The following UCHL5 variants were observed in gnomAD, a reference collection of about 807,000 sequenced individuals.
The protein encoded by UCHL5 is ubiquitin C-terminal hydrolase L5, also known as ubiquitin carboxyl-terminal hydrolase isozyme L5.
In UCHL5, 34 loss-of-function variants were observed where a neutral mutation model predicts 53.8. That is an observed-to-expected ratio of 0.63 (90% CI 0.48 to 0.84). The LOEUF is 0.84. UCHL5 is among the 40% of genes least tolerant of loss of function. UCHL5 has a pLI of 0.00. For missense variants in UCHL5, 290 were observed against 385.6 expected (o/e 0.75, Z 2.08); for synonymous variants, 111 against 126.3 (o/e 0.88, Z 0.81).
intron 3 of UCHL5, among the ~76,000 whole-genome samples, chr1:193,034,733 G>A (rs9427836): frequency 0.019 from 2,922 of 152,052 alleles, 92 homozygotes; most frequent in African/African-American, 0.066. Context: ...TGCATAAAAA[G>A]AGAATACACC....
chr1:193,045,934 A>C (rs1431186311), intron 3 of UCHL5, among the ~76,000 whole-genome samples: 1 of 152,346 alleles, frequency 6.6e-6, no homozygotes, highest in South Asian at 2.1e-4. Context: ...TCTACTACGT[A>C]GATCTTAAAA....
At chr1:193,045,932 G>C (rs1555555) in intron 3 of UCHL5, among the ~76,000 whole-genome samples, 114,257 of 152,128 alleles carry the variant, frequency 0.75, 43,145 homozygotes, top group Middle Eastern at 0.78. Context: ...TCTCTACTAC[G>C]TAGATCTTAA....
At position 193,021,213 on chromosome 1, in the gene UCHL5, A is replaced by G; in HGVS notation, c.844-18T>C. ...TTCTCAATCTGAAAATAAAACATCA[A>G]TCCACACTAACTACATTTCTGCTAA... is the stretch of plus-strand genomic sequence containing the variant. On this transcript the variant is annotated intron_variant, in intron 9 of 10. Coordinates refer to ENST00000367454, the MANE Select transcript of UCHL5 (RefSeq NM_001199261.3). The G allele has an allele frequency of 6.8e-7, 1 of 1,473,956 alleles. No individual in the cohort carries two copies. The highest frequency in any genetic ancestry group is 1.1e-5 in the South Asian group (1 of 87,876). The allele number at this position is 1,473,956 out of a possible 1,614,324, so 91.3% of individuals were successfully genotyped here.
intron 3 of UCHL5, among the ~76,000 whole-genome samples, chr1:193,048,644 G>C (rs1325563247): frequency 6.6e-6 from 1 of 152,164 alleles, no homozygotes; most frequent in Non-Finnish European, 1.5e-5. Flanking sequence ...GTGTGAGACA[G>C]AACTTTTTTT....
intron 1 of UCHL5, among the ~76,000 whole-genome samples, chr1:193,058,697 G>C (rs1022867487): frequency 1.1e-4 from 16 of 152,352 alleles, no homozygotes; most frequent in African/African-American, 3.8e-4. Context: ...AAGGCGTTCT[G>C]CTTTGAATAA....
At chr1:193,046,747 A>G (rs1276801754) in intron 3 of UCHL5, among the ~76,000 whole-genome samples, 2 of 149,244 alleles carry the variant, frequency 1.3e-5, no homozygotes, top group East Asian at 3.9e-4. Context: ...CATTTTAAAT[A>G]TATAAAAGTA....
intron 3 of UCHL5, among the ~76,000 whole-genome samples, chr1:193,030,423 C>T (rs1260392952): frequency 6.6e-6 from 1 of 152,166 alleles, no homozygotes; most frequent in East Asian, 1.9e-4. Context: ...TGATCTTGTT[C>T]TAGAATTTGT....
Position 193,059,305 on chromosome 1 carries a change from GC to G in UCHL5, c.-46del, listed in dbSNP as rs747246674. ...CCCGATCCACCTCTCGCTCTCAGCT[GC>G]CCCCCGCACCAGCTGCCGCCGGCCA... is the stretch of plus-strand genomic sequence containing the variant. On this transcript the variant is annotated 5_prime_UTR_variant, in exon 1 of 11. Coordinates refer to ENST00000367454, the MANE Select transcript of UCHL5 (RefSeq NM_001199261.3). The surrounding 1 kb of genome is among the most constrained non-coding windows in gnomAD (Gnocchi z 4.9). The G allele has an allele frequency of 4.3e-6, 7 of 1,609,900 alleles. No individual in the cohort carries two copies. The African/African-American group carries it at 5.3e-5, about 12-fold the overall frequency.
At chr1:193,041,300 T>C (rs1421911926) in intron 3 of UCHL5, among the ~76,000 whole-genome samples, 1 of 152,086 alleles carries the variant, frequency 6.6e-6, no homozygotes, top group African/African-American at 2.4e-5. Flanking sequence ...AAAAAAAGCA[T>C]AATTAACCCC....
At chr1:193,046,748 T>C (rs1667462494) in intron 3 of UCHL5, among the ~76,000 whole-genome samples, 1 of 149,152 alleles carries the variant, frequency 6.7e-6, no homozygotes, top group Non-Finnish European at 1.5e-5. Flanking sequence ...ATTTTAAATA[T>C]ATAAAAGTAC....
At chr1:193,024,531 A>G (rs1387407999) in intron 7 of UCHL5, among the ~76,000 whole-genome samples, 2 of 149,698 alleles carry the variant, frequency 1.3e-5, no homozygotes, top group Non-Finnish European at 3.0e-5. Flanking sequence ...ATTTTTTCCA[A>G]GTCATGATGA....
At position 193,016,390 on chromosome 1, in the gene UCHL5, T is replaced by C. The variant is rs769026737; in HGVS notation, c.948A>G (p.Lys316=). ...QQLIPLVEKA[K]EKQNAKKAQE... ...GAGCTTTCTTTGCGTTCTGTTTTTC[T>C]TTTGCCTAAAAATTAAAAATAGTAT... is the stretch of plus-strand genomic sequence containing the variant. Residue 316 remains lysine, a synonymous_variant, in exon 11 of 11, where the codon AAA becomes AAG. Coordinates refer to ENST00000367454, the MANE Select transcript of UCHL5 (RefSeq NM_001199261.3). The C allele has an allele frequency of 1.2e-6, 2 of 1,606,546 alleles. No homozygotes were observed. The highest frequency in any genetic ancestry group is 1.1e-5 in the South Asian group (1 of 89,754).
chr1:193,018,632 T>G, intron 10 of UCHL5: 1 of 1,254,854 alleles, frequency 8.0e-7, no homozygotes, highest in East Asian at 3.1e-5. Context: ...TTATTTATTA[T>G]TTTGCAAATA....
At chr1:193,053,351 C>T (rs74130912) in intron 1 of UCHL5, among the ~76,000 whole-genome samples, 3,304 of 152,214 alleles carry the variant, frequency 0.022, 119 homozygotes, top group African/African-American at 0.076. Context: ...AGAAAAAGTA[C>T]GCTGAATAAA....
chr1:193,028,764 TTTC>T (rs1479225514), intron 6 of UCHL5, among the ~76,000 whole-genome samples: 1 of 152,130 alleles, frequency 6.6e-6, no homozygotes, highest in Non-Finnish European at 1.5e-5. Context: ...AGAAAAATAT[TTTC>T]TTGATTGCAA....
At chr1:193,038,901 CAGG>C (rs766937008) in intron 3 of UCHL5, among the ~76,000 whole-genome samples, 10 of 152,072 alleles carry the variant, frequency 6.6e-5, no homozygotes, top group African/African-American at 9.7e-5. Flanking sequence ...GAGGCTGAGG[CAGG>C]AGGATTGCTT....
chr1:193,016,904 T>A (rs1655069711), intron 10 of UCHL5, among the ~76,000 whole-genome samples: 2 of 151,828 alleles, frequency 1.3e-5, no homozygotes, highest in Admixed American at 6.6e-5. Flanking sequence ...TGTTTTTACA[T>A]ACTAGTTCAA....
At chr1:193,018,656 T>C in intron 10 of UCHL5, 1 of 1,262,920 alleles carries the variant, frequency 7.9e-7, no homozygotes, top group Non-Finnish European at 1.0e-6. Context: ...AGATTTTAGG[T>C]CAAATACTTT....
rs1485221608 is a variant in UCHL5 at position 193,015,529 on chromosome 1, TCACCAC to T, written c.*816_*821del. 5.9e-5 allele frequency: 9 copies of T among 151,970 alleles called. No individual in the cohort carries two copies. Among genetic ancestry groups the T allele is most frequent in the African/African-American group, 2.2e-4 (9 of 41,406 alleles). 9.4% of individuals were successfully genotyped at this position (151,970 alleles called of 1,614,324 possible). ...TCAAATTGGCATAGAAAGACCCCCATCACCACTACCATCTTTTTAAAAAAGCAGATA... is the reference window on the plus strand; with the variant it reads ...TCAAATTGGCATAGAAAGACCCCCATTACCATCTTTTTAAAAAAGCAGATA... On this transcript the variant is annotated 3_prime_UTR_variant, in exon 11 of 11. Transcript: ENST00000367454.
Sources: allele counts gnomAD v4.1 joint callset (sites outside exome capture counted in the v4.1 genomes callset), GRCh38; gene constraint gnomAD v4.1.1; non-coding constraint Gnocchi (gnomAD v3.1); transcripts MANE v1.5; gene names NCBI Gene and HGNC (gene_info 2026-07-23, HGNC 2026-07-21).